Variants in ASXL2 observed in about 807,000 individuals in gnomAD.
ASXL2 encodes the protein putative Polycomb group protein ASXL2.
Under a neutral mutation model 122.0 loss-of-function variants are expected in ASXL2, and 23 were observed. The observed-to-expected ratio is 0.19, with a 90% confidence interval of 0.14 to 0.27. The LOEUF is 0.27. ASXL2 is among the 10% of genes least tolerant of loss of function. The probability of loss-of-function intolerance (pLI) is 1.00; values close to 1 mark genes in which losing one functional copy is unlikely to be tolerated. For synonymous variants in ASXL2, 650 were observed against 637.0 expected, an observed-to-expected ratio of 1.02 and a Z score of -0.31; for missense variants, 1,518 against 1,713.8, an observed-to-expected ratio of 0.89 and a Z score of 2.02.
At chr2:25,815,632 A>G (rs1233422498) in intron 3 of ASXL2, among the ~76,000 whole-genome samples, 1 of 152,166 alleles carries the variant, frequency 6.6e-6, no homozygotes, top group Non-Finnish European at 1.5e-5. Context: ...TCAACCCAAA[A>G]TATCCAGCTC....
At chr2:25,748,232 C>T (rs761697003) in intron 12 of ASXL2, among the ~76,000 whole-genome samples, 3 of 151,244 alleles carry the variant, frequency 2.0e-5, no homozygotes, top group Non-Finnish European at 4.4e-5. Flanking sequence ...CAGACGGTGG[C>T]CCACGCCTGT....
At chr2:25,753,929 C>T (rs944418786) in intron 10 of ASXL2, among the ~76,000 whole-genome samples, 1 of 152,176 alleles carries the variant, frequency 6.6e-6, no homozygotes, top group Non-Finnish European at 1.5e-5. Context: ...ACACTCCATA[C>T]AGATTTATTT....
Position 25,743,235 on chromosome 2 carries a change from C to T in ASXL2, c.3102G>A (p.Arg1034=), listed in dbSNP as rs144699852. 2.5e-6 allele frequency: 4 copies of T among 1,613,690 alleles called. No individual in the cohort carries two copies. In the South Asian group the frequency reaches 3.3e-5, roughly 13 times the overall value. The change falls in exon 13 of 13, where the codon AGG becomes AGA. Residue 1034 remains arginine, a synonymous_variant. Transcript: ENST00000435504. ...CCTTAGCTGAAAAGAGCTGAAGGGGCCTTGGAACCTGGGGGAGCTGCTTAC... is the reference window on the plus strand; with the variant it reads ...CCTTAGCTGAAAAGAGCTGAAGGGGTCTTGGAACCTGGGGGAGCTGCTTAC... ...LQSKQLPQVP[R]PLQLFSAKEL...
At chr2:25,829,314 G>A (rs952793408) in intron 3 of ASXL2, among the ~76,000 whole-genome samples, 3 of 149,214 alleles carry the variant, frequency 2.0e-5, no homozygotes, top group East Asian at 2.0e-4. Flanking sequence ...ACACACACAC[G>A]AGGGTTTATC....
intron 5 of ASXL2, among the ~76,000 whole-genome samples, chr2:25,791,487 CAAA>C (rs757850341): frequency 3.3e-5 from 4 of 121,562 alleles, no homozygotes; most frequent in Non-Finnish European, 6.7e-5. Context: ...GACTCCGTCT[CAAA>C]AAAAAAAAAA....
chr2:25,846,412 G>A (rs1051584092), intron 1 of ASXL2, among the ~76,000 whole-genome samples: 12 of 152,128 alleles, frequency 7.9e-5, no homozygotes, highest in African/African-American at 2.2e-4. Flanking sequence ...TTGGAAGGCC[G>A]AGGCGGACAG....
intron 6 of ASXL2, among the ~76,000 whole-genome samples, chr2:25,770,573 G>C (rs993103751): frequency 6.6e-6 from 1 of 152,114 alleles, no homozygotes; most frequent in African/African-American, 2.4e-5. Flanking sequence ...TGACCAACGT[G>C]GTGAAACCCT....
intron 1 of ASXL2, among the ~76,000 whole-genome samples, chr2:25,849,272 T>C (rs1264758202): frequency 1.3e-5 from 2 of 150,084 alleles, no homozygotes; most frequent in African/African-American, 2.5e-5. Context: ...TCCCTGCCTC[T>C]GGTAAAAACA....
chr2:25,766,514 C>T (rs889325155), intron 8 of ASXL2, among the ~76,000 whole-genome samples: 4 of 152,190 alleles, frequency 2.6e-5, no homozygotes, highest in African/African-American at 9.7e-5. Flanking sequence ...TTTACTGAAA[C>T]ATTATCAAGA....
At chr2:25,830,461 G>A (rs1025372468) in intron 3 of ASXL2, among the ~76,000 whole-genome samples, 2 of 151,990 alleles carry the variant, frequency 1.3e-5, no homozygotes, top group Non-Finnish European at 2.9e-5. Flanking sequence ...GTGAAACCCC[G>A]TCTCTAGTAC....
intron 1 of ASXL2, among the ~76,000 whole-genome samples, chr2:25,875,503 T>C (rs754892184): frequency 2.6e-5 from 4 of 151,798 alleles, no homozygotes; most frequent in Admixed American, 6.6e-5. Context: ...ATAATAATAA[T>C]GATAATAATT....
chr2:25,777,451 G>A (rs1185857966), intron 5 of ASXL2, among the ~76,000 whole-genome samples: 2 of 151,876 alleles, frequency 1.3e-5, no homozygotes, highest in East Asian at 3.9e-4. Flanking sequence ...ACCAGCCTAG[G>A]CAACATAATG....
rs563813223 is a variant in ASXL2, at chr2:25,864,594, G to C, written c.57+13572C>G. Reference sequence around the variant, plus strand: ...GTTTTGAAAAGTTATATTTAGTTTTGGGCACAGGGTAATCTTTTACTTAAT... The same window carrying C: ...GTTTTGAAAAGTTATATTTAGTTTTCGGCACAGGGTAATCTTTTACTTAAT... On this transcript the variant is annotated intron_variant, in intron 1 of 12. Coordinates refer to ENST00000435504, the MANE Select transcript of ASXL2 (RefSeq NM_018263.6). Among the ~76,000 whole-genome samples, 3 of 151,940 alleles carry C rather than the reference G, an allele frequency of 2.0e-5. 1 individual carries two copies. The South Asian group carries it at 6.2e-4, about 32-fold the overall frequency.
chr2:25,787,395 G>A (rs1044371386), intron 5 of ASXL2, among the ~76,000 whole-genome samples: 2 of 152,226 alleles, frequency 1.3e-5, no homozygotes, highest in Non-Finnish European at 2.9e-5. Context: ...TCACCTGTGA[G>A]TCTTGGGGTA....
At chr2:25,874,688 G>A (rs1254980153) in intron 1 of ASXL2, among the ~76,000 whole-genome samples, 2 of 152,116 alleles carry the variant, frequency 1.3e-5, no homozygotes, top group Non-Finnish European at 1.5e-5. Context: ...CAATATCCCC[G>A]GTTAGCTACA....
intron 3 of ASXL2, among the ~76,000 whole-genome samples, chr2:25,825,795 G>A (rs114130855): frequency 8.7e-4 from 132 of 152,148 alleles, no homozygotes; most frequent in African/African-American, 3.0e-3. Flanking sequence ...ATTCTTTTGC[G>A]TATACAGGCA....
chr2:25,806,079 T>A (rs892081737), intron 4 of ASXL2, 150 bp downstream of exon 4: 3 of 516,758 alleles, frequency 5.8e-6, no homozygotes, highest in Non-Finnish European at 1.0e-5. Flanking sequence ...GATTAGTTTT[T>A]AAAAAATGTA....
At chr2:25,833,383 C>T (rs529821782) in intron 3 of ASXL2, among the ~76,000 whole-genome samples, 52 of 152,236 alleles carry the variant, frequency 3.4e-4, no homozygotes, top group African/African-American at 1.2e-3. Context: ...ATATCCATTC[C>T]CTCTTCTTCT....
intron 5 of ASXL2, among the ~76,000 whole-genome samples, chr2:25,778,176 T>C (rs2088577884): frequency 6.6e-6 from 1 of 152,156 alleles, no homozygotes; most frequent in Non-Finnish European, 1.5e-5. Flanking sequence ...GTTACTTTAT[T>C]TGGGAAAAGA....
Sources: gnomAD v4.1 joint callset for allele counts (sites outside exome capture counted in the v4.1 genomes callset) on GRCh38, gnomAD v4.1.1 for gene constraint, MANE v1.5 for transcripts, NCBI Gene and HGNC (gene_info 2026-07-23, HGNC 2026-07-21) for gene names.